The following STK32B variants were observed in gnomAD, a reference collection of about 807,000 sequenced individuals.
STK32B encodes serine/threonine kinase 32B, also known as serine/threonine-protein kinase 32B.
In STK32B, 43 loss-of-function variants were observed where a neutral mutation model predicts 52.6. That is an observed-to-expected ratio of 0.82 (90% CI 0.64 to 1.05). The LOEUF (loss-of-function observed/expected upper bound fraction) is 1.05. STK32B is among the 50% of genes least tolerant of loss of function. The pLI, the probability that STK32B is intolerant of heterozygous loss-of-function variation, is 0.00. For missense variants in STK32B, 621 were observed against 534.6 expected (o/e 1.16, Z -1.59); for synonymous variants, 238 against 204.3 (o/e 1.17, Z -1.41).
rs1424324788 is a variant in STK32B, at chr4:5,386,947, G to A, written c.435-11260G>A. 2.6e-5 allele frequency among the ~76,000 whole-genome samples: 4 copies of A among 152,330 alleles called. No homozygotes were observed. The highest frequency in any genetic ancestry group is 2.1e-4 in the South Asian group (1 of 4,828). On this transcript the variant is annotated intron_variant, in intron 4 of 11. Coordinates refer to ENST00000282908, the MANE Select transcript of STK32B (RefSeq NM_018401.3). The surrounding 1 kb of genome is among the most constrained non-coding windows in gnomAD (Gnocchi z 4.5). The stretch of plus-strand genomic sequence containing the variant: ...GTCTTCACAGAAATAGGAAGCTCTC[G>A]AAGAGTCGCAGCATCTCACAGGCCC...
At chr4:5,388,990 T>C (rs1203041575) in intron 4 of STK32B, among the ~76,000 whole-genome samples, 1 of 152,162 alleles carries the variant, frequency 6.6e-6, no homozygotes, top group Admixed American at 6.5e-5. Context: ...GTTTGTTCTT[T>C]GCAGGATTAA....
intron 4 of STK32B, among the ~76,000 whole-genome samples, chr4:5,349,281 G>T (rs1733674827): frequency 6.6e-6 from 1 of 151,968 alleles, no homozygotes; most frequent in African/African-American, 2.4e-5. Context: ...CCAAAGACTG[G>T]CCCACCTTGT....
chr4:5,360,383 G>A (rs1003430058), intron 4 of STK32B, among the ~76,000 whole-genome samples: 11 of 152,068 alleles, frequency 7.2e-5, no homozygotes, highest in East Asian at 1.9e-4. Flanking sequence ...CAATAACAAC[G>A]AAGACAGTGC....
At chr4:5,338,076 A>G (rs767968084) in intron 4 of STK32B, among the ~76,000 whole-genome samples, 2 of 152,196 alleles carry the variant, frequency 1.3e-5, no homozygotes, top group Non-Finnish European at 2.9e-5. Context: ...AGATGAGTGG[A>G]TAGAGAAGGA....
chr4:5,122,136 TCACA>T (rs1560162309), intron 1 of STK32B, among the ~76,000 whole-genome samples: 1 of 151,318 alleles, frequency 6.6e-6, no homozygotes, highest in East Asian at 1.9e-4. Context: ...ACTGTTTCAC[TCACA>T]CACTCATTCA....
intron 1 of STK32B, among the ~76,000 whole-genome samples, chr4:5,114,255 C>G (rs1714587399): frequency 6.6e-6 from 1 of 151,738 alleles, no homozygotes; most frequent in Non-Finnish European, 1.5e-5. Context: ...TTCCCCAGTT[C>G]CACCCCTCCT....
At chr4:5,481,670 C>A (rs1201609301) in intron 11 of STK32B, among the ~76,000 whole-genome samples, 1 of 152,090 alleles carries the variant, frequency 6.6e-6, no homozygotes, top group African/African-American at 2.4e-5. Context: ...ATGCCTATGT[C>A]CTGAATGGTA....
intron 2 of STK32B, chr4:5,140,185 T>C: frequency 6.7e-7 from 1 of 1,486,644 alleles, no homozygotes. Flanking sequence ...ATTACAATGG[T>C]ATTTATTTCA....
chr4:5,150,319 C>T (rs994121991), intron 2 of STK32B, among the ~76,000 whole-genome samples: 1 of 151,978 alleles, frequency 6.6e-6, no homozygotes, highest in Non-Finnish European at 1.5e-5. Flanking sequence ...CTTTATTGTC[C>T]TTATGCTAAT....
At chr4:5,200,747 C>G (rs1722074455) in intron 3 of STK32B, among the ~76,000 whole-genome samples, 1 of 152,150 alleles carries the variant, frequency 6.6e-6, no homozygotes, top group Non-Finnish European at 1.5e-5. Flanking sequence ...TGGCAAGTGG[C>G]CACTGAATGT....
the STK32B span, among the ~76,000 whole-genome samples, chr4:5,025,808 T>C: frequency 6.6e-6 from 1 of 152,176 alleles, no homozygotes; most frequent in African/African-American, 2.4e-5. Flanking sequence ...CCCTCTAAAC[T>C]ATGACAAGAA....
intron 3 of STK32B, among the ~76,000 whole-genome samples, chr4:5,186,854 A>G (rs1443702903): frequency 2.0e-5 from 3 of 152,310 alleles, no homozygotes; most frequent in African/African-American, 7.2e-5. Context: ...TTATGCTTTA[A>G]AGATACCAGG....
chr4:5,317,420 A>ATGTG lies in STK32B; in HGVS notation c.261-13799_261-13798insGTGT, dbSNP rs1384214111. 3.8e-4 allele frequency among the ~76,000 whole-genome samples: 10 copies of ATGTG among 26,038 alleles called. 2 individuals carry two copies. Among genetic ancestry groups the ATGTG allele is most frequent in the African/African-American group, 3.3e-3 (10 of 3,002 alleles). 17.1% of individuals were successfully genotyped at this position (26,038 alleles called of 152,430 possible). ...TATATATAATGTATATGTATTATAT[A>ATGTG]TAATACATATATATTACATATATAC... On this transcript the variant is annotated intron_variant, in intron 3 of 11. Transcript: ENST00000282908.
rs777338742 is a variant in STK32B at position 5,181,329 on chromosome 4, G to GACACACATACACACACAC, written c.260+12886_260+12887insTACACACACACACACACA. Among the ~76,000 whole-genome samples the GACACACATACACACACAC allele has an allele frequency of 8.5e-3, 1,173 of 138,100 alleles. 16 individuals are homozygous for GACACACATACACACACAC. The highest frequency in any genetic ancestry group is 0.027 in the African/African-American group (1,034 of 37,708). 90.6% of individuals were successfully genotyped at this position (138,100 alleles called of 152,430 possible). A position where few individuals can be genotyped will look rare whatever the true frequency, so the allele number is the denominator to read the frequency against. The stretch of plus-strand genomic sequence containing the variant: ...AAAAGAAGAGAAAGATGGAGAGTGA[G>GACACACATACACACACAC]ACACACACACACACACACACACACA... On this transcript the variant is annotated intron_variant, in intron 3 of 11. Coordinates refer to ENST00000282908, the MANE Select transcript of STK32B (RefSeq NM_018401.3).
chr4:5,153,841 G>A (rs1482440573), intron 2 of STK32B, among the ~76,000 whole-genome samples: 2 of 152,098 alleles, frequency 1.3e-5, no homozygotes, highest in Non-Finnish European at 2.9e-5. Flanking sequence ...CAAGCTTGAA[G>A]AATACAAAGT....
At chr4:5,447,060 C>G (rs779970107) in intron 7 of STK32B, 3 of 291,028 alleles carry the variant, frequency 1.0e-5, no homozygotes, top group Admixed American at 4.5e-5. Context: ...AGCGCCTTGG[C>G]CTCGTGGTTT....
At chr4:5,233,936 C>T (rs1269216095) in intron 3 of STK32B, among the ~76,000 whole-genome samples, 2 of 151,966 alleles carry the variant, frequency 1.3e-5, no homozygotes, top group Non-Finnish European at 2.9e-5. Context: ...GGAGTGTGCA[C>T]AAGTGCCCCC....
chr4:5,164,929 G>T (rs917124735), intron 2 of STK32B, among the ~76,000 whole-genome samples: 1 of 152,122 alleles, frequency 6.6e-6, no homozygotes, highest in Non-Finnish European at 1.5e-5. Context: ...GGTTAATTAA[G>T]CTGTTGTTAC....
At chr4:5,358,965 A>G (rs1335923555) in intron 4 of STK32B, among the ~76,000 whole-genome samples, 1 of 152,224 alleles carries the variant, frequency 6.6e-6, no homozygotes, top group East Asian at 1.9e-4. Flanking sequence ...TGATAGGTAC[A>G]GATGGTGGAG....
Sources: allele counts gnomAD v4.1 joint callset (sites outside exome capture counted in the v4.1 genomes callset), GRCh38; gene constraint gnomAD v4.1.1; non-coding constraint Gnocchi (gnomAD v3.1); transcripts MANE v1.5; gene names NCBI Gene and HGNC (gene_info 2026-07-23, HGNC 2026-07-21).